The following ARHGAP6 variants were observed in gnomAD, a reference collection of about 807,000 sequenced individuals.
The protein encoded by ARHGAP6 is rho GTPase-activating protein 6.
Under a neutral mutation model 55.7 loss-of-function variants are expected in ARHGAP6, and 16 were observed. That is an observed-to-expected ratio of 0.29 (90% CI 0.19 to 0.44). The LOEUF is 0.44. Among genes scored for constraint, ARHGAP6 ranks in the 20% least tolerant of loss-of-function variants. The pLI is 1.00. For missense variants in ARHGAP6, 698 were observed against 808.9 expected, an observed-to-expected ratio of 0.86 and a Z score of 1.66; for synonymous variants, 382 against 360.9, an observed-to-expected ratio of 1.06 and a Z score of -0.66.
Position 11,649,203 on chromosome X carries a change from G to A in ARHGAP6, c.588+15038C>T, listed in dbSNP as rs187797834. Among the ~76,000 whole-genome samples the A allele has an allele frequency of 7.0e-3, 777 of 111,653 alleles. 3 individuals are homozygous for A. Among genetic ancestry groups the A allele is most frequent in the Non-Finnish European group, 0.011 (585 of 53,042 alleles). ...CAAACTAGTCAGTTGGAGAGAGAAGGGCCACATGGAGGATCACTGAGGCAC... is the reference window on the plus strand; with the variant it reads ...CAAACTAGTCAGTTGGAGAGAGAAGAGCCACATGGAGGATCACTGAGGCAC... On this transcript the variant is annotated intron_variant, in intron 1 of 12. Transcript: ENST00000337414.
intron 10 of ARHGAP6, among the ~76,000 whole-genome samples, chrX:11,146,189 G>A (rs1295151267): frequency 2.7e-5 from 3 of 112,399 alleles, no homozygotes; most frequent in Non-Finnish European, 5.6e-5. Flanking sequence ...ACTGAATGTA[G>A]TGTAGTCCCA....
chrX:11,468,581 T>C (rs1335153738), intron 1 of ARHGAP6, among the ~76,000 whole-genome samples: 1 of 112,783 alleles, frequency 8.9e-6, no homozygotes, highest in African/African-American at 3.2e-5. Context: ...AGAACATTTA[T>C]CTGAGATGGA....
intron 2 of ARHGAP6, among the ~76,000 whole-genome samples, chrX:11,250,265 T>C (rs1398055272): frequency 8.9e-6 from 1 of 112,333 alleles, no homozygotes; most frequent in Non-Finnish European, 1.9e-5. Flanking sequence ...TATTTTGGAA[T>C]CACATTCAGC....
chrX:11,186,582 T>C, intron 4 of ARHGAP6, 151 bp from the exon 5 acceptor site: 1 of 386,129 alleles, frequency 2.6e-6, no homozygotes. Flanking sequence ...TGTTTGTAAA[T>C]TAAAAGAAAA....
rs1376415219 is a variant in ARHGAP6, at chrX:11,664,805, G to C, written c.24C>G (p.His8Gln). MSAQSLL[H>Q]SVFSCSSPAS... is the part of the protein sequence containing the mutation. ...CGGGCGAGGAACAGGAGAAGACGCTGTGGAGCAGGCTCTGCGCGGACATCT... is the reference window on the plus strand; with the variant it reads ...CGGGCGAGGAACAGGAGAAGACGCTCTGGAGCAGGCTCTGCGCGGACATCT... The change falls in exon 1 of 13, where the codon CAC (histidine) becomes CAG (glutamine). Residue 8 changes from histidine to glutamine, a missense_variant. Around this residue, in one of 3 missense-constraint regions of ARHGAP6, gnomAD observed 164 missense variants for 149.2 expected, o/e 1.10. Coordinates refer to ENST00000337414, the MANE Select transcript of ARHGAP6 (RefSeq NM_013427.3). 8.3e-7 allele frequency: 1 copy of C among 1,198,096 alleles called. No homozygotes were observed. Among genetic ancestry groups the C allele is most frequent in the Non-Finnish European group, 1.1e-6 (1 of 890,634 alleles).
At chrX:11,440,767 TG>T (rs2050031954) in intron 1 of ARHGAP6, among the ~76,000 whole-genome samples, 1 of 112,394 alleles carries the variant, frequency 8.9e-6, no homozygotes, top group Non-Finnish European at 1.9e-5. Flanking sequence ...TGTTGAATGC[TG>T]TTACTAAATA....
At chrX:11,255,370 C>T (rs1343683375) in intron 1 of ARHGAP6, among the ~76,000 whole-genome samples, 1 of 109,977 alleles carries the variant, frequency 9.1e-6, no homozygotes, top group Non-Finnish European at 1.9e-5. Context: ...AAGTGGTTAA[C>T]ATTTTTTACC....
At chrX:11,340,660 C>G (rs1270103255) in intron 1 of ARHGAP6, among the ~76,000 whole-genome samples, 1 of 106,447 alleles carries the variant, frequency 9.4e-6, no homozygotes, top group Admixed American at 9.9e-5. Context: ...ACCCGGGAAG[C>G]GGAGCTTGCA....
At chrX:11,438,716 A>T (rs2050011897) in intron 1 of ARHGAP6, among the ~76,000 whole-genome samples, 1 of 112,846 alleles carries the variant, frequency 8.9e-6, no homozygotes, top group African/African-American at 3.2e-5. Flanking sequence ...CTCTGAGGTT[A>T]TCACATAAGA....
intron 1 of ARHGAP6, chrX:11,351,278 T>G: frequency 1.2e-6 from 1 of 817,962 alleles, no homozygotes. Flanking sequence ...AAAATAAAAA[T>G]GAACTTTACA....
chrX:11,607,641 G>GT (rs2052051088), intron 1 of ARHGAP6, among the ~76,000 whole-genome samples: 1 of 112,340 alleles, frequency 8.9e-6, no homozygotes, highest in African/African-American at 3.2e-5. Context: ...ATCTTCTTTT[G>GT]TAAGTATGTA....
intron 1 of ARHGAP6, among the ~76,000 whole-genome samples, chrX:11,499,920 C>T (rs1196271842): frequency 8.9e-6 from 1 of 112,103 alleles, no homozygotes; most frequent in Non-Finnish European, 1.9e-5. Flanking sequence ...CCATATTCTG[C>T]AGTTTAATGA....
At chrX:11,243,831 A>G (rs1217857602) in intron 2 of ARHGAP6, among the ~76,000 whole-genome samples, 2 of 112,268 alleles carry the variant, frequency 1.8e-5, no homozygotes, top group East Asian at 5.6e-4. Context: ...TTGCATTCCA[A>G]TTACCTACAG....
At chrX:11,620,629 T>C (rs921603667) in intron 1 of ARHGAP6, among the ~76,000 whole-genome samples, 2 of 112,216 alleles carry the variant, frequency 1.8e-5, no homozygotes, top group Non-Finnish European at 1.9e-5. Flanking sequence ...CTTTCCTTGA[T>C]AAAGGAAGCT....
intron 2 of ARHGAP6, among the ~76,000 whole-genome samples, chrX:11,204,214 C>T (rs1318519170): frequency 2.7e-5 from 3 of 112,183 alleles, no homozygotes; most frequent in African/African-American, 9.7e-5. Flanking sequence ...TTTTTCTTTT[C>T]CTATCTCAGG....
At chrX:11,349,510 A>G (rs1029924332) in intron 1 of ARHGAP6, among the ~76,000 whole-genome samples, 1 of 111,667 alleles carries the variant, frequency 9.0e-6, no homozygotes, top group African/African-American at 3.3e-5. Context: ...TAGGCATTCA[A>G]AACATACTTA....
intron 2 of ARHGAP6, among the ~76,000 whole-genome samples, chrX:11,202,799 CAAAAAAAAAAAAA>C (rs776633959): frequency 1.3e-3 from 12 of 9,453 alleles, no homozygotes; most frequent in Admixed American, 0.011. Context: ...GACTCCGTCT[CAAAAAAAAAAAAA>C]AAAAAAAAAA....
At chrX:11,346,206 G>C (rs772054926) in intron 1 of ARHGAP6, among the ~76,000 whole-genome samples, 1 of 111,735 alleles carries the variant, frequency 8.9e-6, no homozygotes, top group Non-Finnish European at 1.9e-5. Context: ...GTAGGAGTTG[G>C]CAAACTACAG....
chrX:11,606,979 A>T (rs1470465666), intron 1 of ARHGAP6, among the ~76,000 whole-genome samples: 3 of 111,876 alleles, frequency 2.7e-5, no homozygotes, highest in African/African-American at 9.7e-5. Flanking sequence ...TTCTCATAAC[A>T]AGATGCTCAA....
Sources: gnomAD v4.1 joint callset for allele counts (sites outside exome capture counted in the v4.1 genomes callset) on GRCh38, gnomAD v4.1.1 for gene constraint, gnomAD v4.1.1 regional missense constraint, MANE v1.5 for transcripts, NCBI Gene and HGNC (gene_info 2026-07-23, HGNC 2026-07-21) for gene names.